BMF: variants seen among roughly 807,000 people sequenced by gnomAD.
BMF encodes the protein Bcl2 modifying factor, also known as bcl-2-modifying factor.
Under a neutral mutation model 22.0 loss-of-function variants are expected in BMF, and 10 were observed. The observed-to-expected ratio is 0.45, with a 90% confidence interval of 0.28 to 0.77. The LOEUF (loss-of-function observed/expected upper bound fraction) is 0.77, where lower values mean the gene tolerates loss of function less well. BMF is among the 30% of genes least tolerant of loss of function. BMF has a pLI of 0.13. For missense variants in BMF, 206 were observed against 226.8 expected, an observed-to-expected ratio of 0.91 and a Z score of 0.59; for synonymous variants, 87 against 88.1, an observed-to-expected ratio of 0.99 and a Z score of 0.07.
chr15:40,101,968 CCAG>C (rs2036485316), intron 4 of BMF, among the ~76,000 whole-genome samples: 1 of 152,072 alleles, frequency 6.6e-6, no homozygotes. Context: ...AACCTGGGAG[CCAG>C]TGTGGAGTAA....
At position 40,106,797 on chromosome 15, in the gene BMF, C is replaced by CCGTCT. The variant is rs1462845576; in HGVS notation, c.-5-711_-5-707dup. ...AGACCCAAGCTAGTCATTGCAGCTG[C>CCGTCT]CGTCTCGGCTCTCTTTGAGCAGAGT... On this transcript the variant is annotated intron_variant, in intron 2 of 4. Coordinates refer to ENST00000354670, the MANE Select transcript of BMF (RefSeq NM_001003940.2). This position sits in a 1 kb window ranked among gnomAD's most constrained non-coding sequence, Gnocchi z 4.1. Among the ~76,000 whole-genome samples, 1 of 152,192 alleles carries CCGTCT rather than the reference C, an allele frequency of 6.6e-6. No individual in the cohort carries two copies. The highest frequency in any genetic ancestry group is 2.4e-5 in the African/African-American group (1 of 41,440).
intron 4 of BMF, among the ~76,000 whole-genome samples, chr15:40,096,153 CTTTTTTTTTTTTT>C (rs532459310): frequency 1.7e-5 from 2 of 115,144 alleles, no homozygotes; most frequent in Admixed American, 1.8e-4. Context: ...AAAAGGCCTC[CTTTTTTTTTTTTT>C]TTTTTTTTTT....
chr15:40,090,460 CA>C lies in BMF; in HGVS notation c.*1326del, dbSNP rs2036210745. The C allele has an allele frequency of 6.5e-6, 1 of 152,684 alleles. No homozygotes were observed. The highest frequency in any genetic ancestry group is 2.1e-4 in the South Asian group (1 of 4,834). 9.5% of individuals were successfully genotyped at this position (152,684 alleles called of 1,614,324 possible). A position where few individuals can be genotyped will look rare whatever the true frequency, so the allele number is the denominator to read the frequency against. ...AATTTAGTTTCTAGCGTCTGGTTAA[CA>C]GATTCCCTGTGCCTGCTATCGGAGC... is the stretch of plus-strand genomic sequence containing the variant. On this transcript the variant is annotated 3_prime_UTR_variant, in exon 5 of 5. Transcript: ENST00000354670.
At chr15:40,093,639 G>A (rs754594016) in intron 4 of BMF, among the ~76,000 whole-genome samples, 22 of 152,274 alleles carry the variant, frequency 1.4e-4, no homozygotes, top group Non-Finnish European at 2.4e-4. Context: ...CGAACAAGAG[G>A]AGAATCCAGG....
chr15:40,104,315 G>T lies in BMF; in HGVS notation c.318C>A (p.Leu106=). The T allele has an allele frequency of 1.2e-6, 2 of 1,614,226 alleles. No homozygotes were observed. The highest frequency in any genetic ancestry group is 1.7e-6 in the Non-Finnish European group (2 of 1,180,038). ...FYGNAGYRLP[L]PASFPAVLPI... ...GCAAGACTGCTGGGAAACTGGCAGG[G>T]AGAGGAAGCCGATAGCCAGCATTGC... Residue 106 remains leucine, a synonymous_variant, in exon 4 of 5, where the codon CTC becomes CTA. Transcript: ENST00000354670.
chr15:40,103,350 C>G (rs1259373044), intron 4 of BMF, among the ~76,000 whole-genome samples: 1 of 152,264 alleles, frequency 6.6e-6, no homozygotes, highest in African/African-American at 2.4e-5. Context: ...CTCTCCCAGC[C>G]TTGGCAGCCA....
Position 40,104,880 on chromosome 15 carries a change from CA to C in BMF, c.293-541del, listed in dbSNP as rs201092778. Among the ~76,000 whole-genome samples, 1,173 of 152,314 alleles carry C rather than the reference CA, an allele frequency of 7.7e-3. 19 individuals carry two copies. The highest frequency in any genetic ancestry group is 0.027 in the African/African-American group (1,109 of 41,566). On this transcript the variant is annotated intron_variant, in intron 3 of 4. Coordinates refer to ENST00000354670, the MANE Select transcript of BMF (RefSeq NM_001003940.2). ...AGAAAACTGAGACGCACAGAGCTGC[CA>C]AGTTGCTCTCCGGAGACAGCCCCAG...
chr15:40,095,599 CT>C (rs1405556473), intron 4 of BMF, among the ~76,000 whole-genome samples: 1 of 152,156 alleles, frequency 6.6e-6, no homozygotes, highest in African/African-American at 2.4e-5. Context: ...TAGGGAACCC[CT>C]CACAGAATGG....
Position 40,104,617 on chromosome 15 carries a change from C to T in BMF, c.293-277G>A, listed in dbSNP as rs565926589. ...AAGGGCAGGTGGTAACGTGTGCAGGCGAACATGCCAGCCTTCCGTCCTTAT... is the reference window on the plus strand; with the variant it reads ...AAGGGCAGGTGGTAACGTGTGCAGGTGAACATGCCAGCCTTCCGTCCTTAT... On this transcript the variant is annotated intron_variant, in intron 3 of 4. Coordinates refer to ENST00000354670, the MANE Select transcript of BMF (RefSeq NM_001003940.2). Among the ~76,000 whole-genome samples, 4 of 152,300 alleles carry T rather than the reference C, an allele frequency of 2.6e-5. No homozygotes were observed. The South Asian group carries it at 6.2e-4, about 24-fold the overall frequency.
At chr15:40,096,374 T>C (rs1337578995) in intron 4 of BMF, among the ~76,000 whole-genome samples, 2 of 152,120 alleles carry the variant, frequency 1.3e-5, no homozygotes, top group African/African-American at 4.8e-5. Context: ...TTCCAGATGC[T>C]CCAGCTAGAG....
At chr15:40,096,428 G>C (rs144769503) in intron 4 of BMF, among the ~76,000 whole-genome samples, 1 of 152,194 alleles carries the variant, frequency 6.6e-6, no homozygotes, top group African/African-American at 2.4e-5. Context: ...AAGCGAAGCC[G>C]TGTGCAGCTC....
At chr15:40,091,945 C>G (rs2036241931) in intron 4 of BMF, 57 bp from the exon 5 acceptor site, 1 of 1,289,466 alleles carries the variant, frequency 7.8e-7, no homozygotes, top group East Asian at 2.5e-5. Context: ...TCTTAGACGA[C>G]TCCCTCTCAT....
chr15:40,104,110 G>A, intron 4 of BMF, 70 bp downstream of exon 4: 2 of 1,581,464 alleles, frequency 1.3e-6, no homozygotes, highest in Non-Finnish European at 1.7e-6. Context: ...GCTGACAAGA[G>A]GAGAGAGGCA....
Position 40,104,162 on chromosome 15 carries a change from C to T in BMF, c.453+18G>A, listed in dbSNP as rs2036536605. The T allele has an allele frequency of 1.2e-6, 2 of 1,613,900 alleles. No homozygotes were observed. Among genetic ancestry groups the T allele is most frequent in the Non-Finnish European group, 1.7e-6 (2 of 1,179,808 alleles). ...CCCCAGCAGACTCAACCCTCCTCCC[C>T]TAAACCCCCGTGCCTACTTGCTGCA... On this transcript the variant is annotated intron_variant, in intron 4 of 4. Coordinates refer to ENST00000354670, the MANE Select transcript of BMF (RefSeq NM_001003940.2).
At chr15:40,101,498 T>C (rs534252126) in intron 4 of BMF, among the ~76,000 whole-genome samples, 1 of 152,114 alleles carries the variant, frequency 6.6e-6, no homozygotes, top group South Asian at 2.1e-4. Context: ...CTAAATAACC[T>C]CCTTCCCACT....
chr15:40,101,949 G>T lies in BMF; in HGVS notation c.453+2231C>A, dbSNP rs2036484662. 3.3e-5 allele frequency among the ~76,000 whole-genome samples: 5 copies of T among 152,260 alleles called. No homozygotes were observed. The South Asian group carries it at 1.0e-3, about 32-fold the overall frequency. Reference sequence around the variant, plus strand: ...AGTAGGTAGATGGCAGGAGGGTAGGGGTACAGGAAACCTGGGAGCCAGTGT... The same window carrying T: ...AGTAGGTAGATGGCAGGAGGGTAGGTGTACAGGAAACCTGGGAGCCAGTGT... On this transcript the variant is annotated intron_variant, in intron 4 of 4. Coordinates refer to ENST00000354670, the MANE Select transcript of BMF (RefSeq NM_001003940.2).
At chr15:40,100,165 G>C (rs560876612) in intron 4 of BMF, among the ~76,000 whole-genome samples, 8 of 152,290 alleles carry the variant, frequency 5.3e-5, no homozygotes, top group South Asian at 2.1e-4. Flanking sequence ...CAAATGTCAT[G>C]ATGGGCCACT....
In BMF at chr15:40,106,132, C is replaced by T. The variant is rs771136695; in HGVS notation, c.-5-41G>A. ...GCAGGCATCTGGGCTGCTGCCCCAC[C>T]AGGGCCATACCTGGAAGGACTCCCC... On this transcript the variant is annotated intron_variant, in intron 2 of 4. Transcript: ENST00000354670. The surrounding 1 kb of genome is among the most constrained non-coding windows in gnomAD (Gnocchi z 4.1). The T allele has an allele frequency of 1.8e-5, 27 of 1,537,604 alleles. No individual in the cohort carries two copies. Among genetic ancestry groups the T allele is most frequent in the African/African-American group, 1.4e-5 (1 of 73,144 alleles).
At chr15:40,093,185 C>T (rs1263556553) in intron 4 of BMF, among the ~76,000 whole-genome samples, 3 of 152,218 alleles carry the variant, frequency 2.0e-5, no homozygotes, top group Admixed American at 6.5e-5. Context: ...ATGCAGGTTG[C>T]TGGCTTCCCC....
Sources: allele counts gnomAD v4.1 joint callset (sites outside exome capture counted in the v4.1 genomes callset), GRCh38; gene constraint gnomAD v4.1.1; non-coding constraint Gnocchi (gnomAD v3.1); transcripts MANE v1.5; gene names NCBI Gene and HGNC (gene_info 2026-07-23, HGNC 2026-07-21).